The following NTRK3 variants were observed in gnomAD, a reference collection of about 807,000 sequenced individuals.
The protein encoded by NTRK3 is NT-3 growth factor receptor.
A neutral mutation model predicts 91.7 loss-of-function variants in NTRK3; 24 were observed. The ratio of observed to expected loss-of-function variants is 0.26; its 90% confidence interval spans 0.19 to 0.37. NTRK3 has a LOEUF of 0.37. Ranked by LOEUF, NTRK3 falls within the 10% of genes least tolerant of loss-of-function variation. The pLI is 1.00. For synonymous variants in NTRK3, 483 were observed against 404.0 expected, an observed-to-expected ratio of 1.20 and a Z score of -2.34; for missense variants, 880 against 1,068.9, an observed-to-expected ratio of 0.82 and a Z score of 2.46.
At chr15:88,101,371 G>A (rs2050154252) in intron 13 of NTRK3, among the ~76,000 whole-genome samples, 1 of 152,156 alleles carries the variant, frequency 6.6e-6, no homozygotes, top group African/African-American at 2.4e-5. Flanking sequence ...GAAACAACAG[G>A]TGCTGGAAAG....
intron 13 of NTRK3, among the ~76,000 whole-genome samples, chr15:88,063,129 C>T (rs901399693): frequency 4.6e-5 from 7 of 152,184 alleles, no homozygotes; most frequent in Non-Finnish European, 1.5e-5. Flanking sequence ...GGGTGCAACT[C>T]CCTTATTTGT....
At chr15:88,141,684 T>C (rs1319135212) in intron 6 of NTRK3, among the ~76,000 whole-genome samples, 1 of 152,218 alleles carries the variant, frequency 6.6e-6, no homozygotes, top group African/African-American at 2.4e-5. Flanking sequence ...CTTGATGCTG[T>C]GCTGCCTCCT....
At chr15:88,141,600 T>C (rs2042392908) in intron 6 of NTRK3, among the ~76,000 whole-genome samples, 1 of 152,170 alleles carries the variant, frequency 6.6e-6, no homozygotes, top group Non-Finnish European at 1.5e-5. Context: ...GGTGTAAAAA[T>C]ACAAATTATC....
chr15:88,077,495 G>A (rs1597164267), intron 13 of NTRK3, among the ~76,000 whole-genome samples: 1 of 151,816 alleles, frequency 6.6e-6, no homozygotes, highest in Non-Finnish European at 1.5e-5. Flanking sequence ...GGAAAGCCAC[G>A]TGCAAATCAA....
chr15:88,032,759 G>GA, intron 14 of NTRK3, 98 bp downstream of exon 14: 6 of 1,334,924 alleles, frequency 4.5e-6, no homozygotes, highest in Non-Finnish European at 5.3e-6. Context: ...TTGGCAGGTA[G>GA]CAGGTCACCC....
Position 88,072,649 on chromosome 15 carries a change from T to G in NTRK3, c.1397-39604A>C, listed in dbSNP as rs2277578. 517 of 232,760 alleles carry G rather than the reference T, an allele frequency of 2.2e-3. 8 individuals carry two copies. The East Asian group carries it at 0.028, about 13-fold the overall frequency. 14.4% of individuals were successfully genotyped at this position (232,760 alleles called of 1,614,324 possible). A position where few individuals can be genotyped will look rare whatever the true frequency, so the allele number is the denominator to read the frequency against. ...TATTGTAACACAGTTAATGCACAATTTGATGAGACACCCTTGGTTTGAAGA... is the reference window on the plus strand; with the variant it reads ...TATTGTAACACAGTTAATGCACAATGTGATGAGACACCCTTGGTTTGAAGA... On this transcript the variant is annotated intron_variant, in intron 13 of 18. Transcript: ENST00000394480.
chr15:87,905,682 C>G (rs891028425), intron 17 of NTRK3, among the ~76,000 whole-genome samples: 2 of 152,098 alleles, frequency 1.3e-5, no homozygotes, highest in African/African-American at 4.8e-5. Flanking sequence ...AAACCCCTGT[C>G]GAAAAACCTT....
chr15:88,189,918 A>G (rs2047252736), intron 3 of NTRK3, among the ~76,000 whole-genome samples: 2 of 152,186 alleles, frequency 1.3e-5, no homozygotes, highest in Admixed American at 1.3e-4. Context: ...TTCTACCTTC[A>G]ATATTTAATG....
intron 13 of NTRK3, among the ~76,000 whole-genome samples, chr15:88,112,657 G>A (rs1400438356): frequency 3.3e-5 from 5 of 152,110 alleles, no homozygotes; most frequent in African/African-American, 1.2e-4. Context: ...ACTGGAGCAG[G>A]GACACAAAAA....
At chr15:88,148,971 A>G (rs1332218009) in intron 5 of NTRK3, among the ~76,000 whole-genome samples, 2 of 152,196 alleles carry the variant, frequency 1.3e-5, no homozygotes, top group African/African-American at 4.8e-5. Flanking sequence ...AAAGCCTGCC[A>G]AAGGATCACA....
intron 17 of NTRK3, among the ~76,000 whole-genome samples, chr15:87,891,431 A>C (rs1360598077): frequency 6.6e-6 from 1 of 152,166 alleles, no homozygotes; most frequent in East Asian, 1.9e-4. Context: ...ACACTGTTTC[A>C]AAGTCAAAAC....
At chr15:88,032,969 G>A (rs1271928420) in exon 14 of NTRK3, 2 of 1,612,354 alleles carry the variant, frequency 1.2e-6, no homozygotes, top group African/African-American at 2.7e-5. Flanking sequence ...CCAGTGACGA[G>A]GGCGTGGTGA....
intron 13 of NTRK3, among the ~76,000 whole-genome samples, chr15:88,070,746 T>C (rs2047026173): frequency 6.6e-6 from 1 of 152,096 alleles, no homozygotes; most frequent in African/African-American, 2.4e-5. Context: ...AGTAAAAGCC[T>C]GAGCCAGCAC....
chr15:88,142,262 G>C (rs965302377), intron 6 of NTRK3, among the ~76,000 whole-genome samples: 2 of 152,234 alleles, frequency 1.3e-5, no homozygotes, highest in Non-Finnish European at 2.9e-5. Flanking sequence ...GGAACCTAAA[G>C]CATGGCTTTC....
chr15:88,129,679 G>A (rs552749672), intron 10 of NTRK3, among the ~76,000 whole-genome samples: 1 of 152,284 alleles, frequency 6.6e-6, no homozygotes, highest in East Asian at 1.9e-4. Flanking sequence ...TAAAAAGTAA[G>A]AAAGTGCTCA....
chr15:88,221,284 A>G (rs2050210057), intron 3 of NTRK3, among the ~76,000 whole-genome samples: 1 of 152,214 alleles, frequency 6.6e-6, no homozygotes, highest in Non-Finnish European at 1.5e-5. Flanking sequence ...AGAGGATGAG[A>G]TGATGATGGA....
At chr15:88,028,649 T>G (rs1341954590) in intron 14 of NTRK3, among the ~76,000 whole-genome samples, 1 of 152,038 alleles carries the variant, frequency 6.6e-6, no homozygotes, top group African/African-American at 2.4e-5. Context: ...GGGATGACTC[T>G]GGGAAGATGG....
At chr15:88,009,510 G>T (rs1455607806) in intron 14 of NTRK3, among the ~76,000 whole-genome samples, 1 of 152,210 alleles carries the variant, frequency 6.6e-6, no homozygotes, top group Non-Finnish European at 1.5e-5. Context: ...TCTTTCAAGA[G>T]AAACTGGAAA....
chr15:88,184,428 A>G (rs1449271561), intron 3 of NTRK3, 129 bp from the exon 4 acceptor site: 1 of 875,398 alleles, frequency 1.1e-6, no homozygotes, highest in African/African-American at 1.7e-5. Context: ...CAAGTCACCA[A>G]ATAAATCTGA....
Sources: gnomAD v4.1 joint callset for allele counts (sites outside exome capture counted in the v4.1 genomes callset) on GRCh38, gnomAD v4.1.1 for gene constraint, MANE v1.5 for transcripts, NCBI Gene and HGNC (gene_info 2026-07-23, HGNC 2026-07-21) for gene names.